EMCN: variants seen among roughly 807,000 people sequenced by gnomAD.
EMCN encodes MUC-14.
In EMCN, 37 loss-of-function variants were observed where a neutral mutation model predicts 38.4. The observed-to-expected ratio is 0.96, with a 90% CI of 0.74 to 1.27. The LOEUF (loss-of-function observed/expected upper bound fraction) is 1.27. EMCN is among the 50% of genes most tolerant of loss of function. The pLI is 0.00. For missense variants in EMCN, 318 were observed against 302.8 expected (o/e 1.05, Z -0.37); for synonymous variants, 95 against 100.8 (o/e 0.94, Z 0.35).
chr4:100,435,438 T>C (rs139779097), intron 5 of EMCN, among the ~76,000 whole-genome samples: 2,623 of 152,214 alleles, frequency 0.017, 36 homozygotes, highest in Non-Finnish European at 0.025. Flanking sequence ...ATTGTGAAAA[T>C]GGCCATACTG....
chr4:100,462,677 G>A (rs1344115410), intron 4 of EMCN, among the ~76,000 whole-genome samples: 1 of 151,960 alleles, frequency 6.6e-6, no homozygotes, highest in Non-Finnish European at 1.5e-5. Context: ...TTACAAAATA[G>A]GTTCTACTTA....
At chr4:100,411,510 A>G (rs1726552241) in intron 10 of EMCN, among the ~76,000 whole-genome samples, 1 of 152,172 alleles carries the variant, frequency 6.6e-6, no homozygotes. Context: ...TTTGAGAAAA[A>G]TTTAATAACA....
intron 1 of EMCN, among the ~76,000 whole-genome samples, chr4:100,494,016 G>A (rs1729149780): frequency 6.6e-6 from 1 of 152,130 alleles, no homozygotes; most frequent in Non-Finnish European, 1.5e-5. Context: ...CTAAGTGCTG[G>A]GACAAAAACA....
chr4:100,509,089 C>T (rs771527529), intron 1 of EMCN, among the ~76,000 whole-genome samples: 10 of 152,132 alleles, frequency 6.6e-5, no homozygotes, highest in Non-Finnish European at 1.3e-4. Context: ...GGGCTAGCTA[C>T]GAAATATCAC....
At chr4:100,432,828 TTAAA>T (rs766261385) in intron 5 of EMCN, among the ~76,000 whole-genome samples, 5 of 151,816 alleles carry the variant, frequency 3.3e-5, no homozygotes, top group East Asian at 1.9e-4. Context: ...ATTTTAAAAC[TTAAA>T]TAAATTTTTA....
intron 1 of EMCN, among the ~76,000 whole-genome samples, chr4:100,505,116 A>T (rs1729447711): frequency 6.6e-6 from 1 of 152,072 alleles, no homozygotes; most frequent in African/African-American, 2.4e-5. Context: ...ACATGACCTT[A>T]CCTATCATTG....
chr4:100,411,945 C>T (rs923156574), intron 10 of EMCN, among the ~76,000 whole-genome samples: 9 of 151,858 alleles, frequency 5.9e-5, no homozygotes, highest in Non-Finnish European at 1.3e-4. Flanking sequence ...CATTTTTACT[C>T]TGTGGTTTTT....
intron 5 of EMCN, among the ~76,000 whole-genome samples, chr4:100,446,464 A>G (rs1727675689): frequency 6.6e-6 from 1 of 152,142 alleles, no homozygotes; most frequent in South Asian, 2.1e-4. Context: ...TACTTAGAAT[A>G]TTTGCTGTGA....
At chr4:100,480,077 T>A in intron 1 of EMCN, 38 bp from the exon 2 acceptor site, 1 of 1,581,688 alleles carries the variant, frequency 6.3e-7, no homozygotes, top group Non-Finnish European at 8.6e-7. Context: ...CATTTACATA[T>A]AGTTTGCCAA....
In EMCN at chr4:100,434,184, G is replaced by A. The variant is rs547499489; in HGVS notation, c.416-10780C>T. Among the ~76,000 whole-genome samples the A allele has an allele frequency of 2.6e-5, 4 of 151,896 alleles. No homozygotes were observed. The South Asian group carries it at 6.2e-4, about 24-fold the overall frequency. ...ATAGACAAAATCAGAAATGATAAGG[G>A]GGATATCACCACTGACCCCACAGAA... On this transcript the variant is annotated intron_variant, in intron 5 of 11. Coordinates refer to ENST00000296420, the MANE Select transcript of EMCN (RefSeq NM_016242.4).
intron 3 of EMCN, among the ~76,000 whole-genome samples, chr4:100,473,385 T>G (rs1728546322): frequency 8.8e-6 from 1 of 114,060 alleles, no homozygotes; most frequent in Non-Finnish European, 1.8e-5. Flanking sequence ...TTTTTTTTTT[T>G]GTTTTTTTTT....
At position 100,517,962 on chromosome 4, in the gene EMCN, G is replaced by A. The variant is rs1469968117; in HGVS notation, c.-48C>T. The A allele has an allele frequency of 2.5e-6, 4 of 1,591,806 alleles. No individual in the cohort carries two copies. The highest frequency in any genetic ancestry group is 3.4e-6 in the Non-Finnish European group (4 of 1,160,240). ...ATCTTCTTTCTCCAGAAGCAGGCAG[G>A]GACAATTCCCTCCCAGCCTGGCAGG... On this transcript the variant is annotated 5_prime_UTR_variant, in exon 1 of 12. Transcript: ENST00000296420.
chr4:100,507,733 A>G (rs1029740312), intron 1 of EMCN, among the ~76,000 whole-genome samples: 9 of 151,922 alleles, frequency 5.9e-5, no homozygotes, highest in African/African-American at 2.2e-4. Flanking sequence ...ATCTCTTTTA[A>G]CCTCATTTTT....
intron 11 of EMCN, among the ~76,000 whole-genome samples, chr4:100,408,421 T>C (rs1726455819): frequency 6.6e-6 from 1 of 152,218 alleles, no homozygotes; most frequent in Non-Finnish European, 1.5e-5. Context: ...TTCAGAGGGC[T>C]GAGGCTTTGT....
intron 1 of EMCN, among the ~76,000 whole-genome samples, chr4:100,502,178 A>G (rs1171945708): frequency 6.6e-6 from 1 of 152,184 alleles, no homozygotes; most frequent in African/African-American, 2.4e-5. Context: ...TAACATTTAC[A>G]TAGCTCACGA....
intron 1 of EMCN, among the ~76,000 whole-genome samples, chr4:100,490,993 C>T (rs1240388529): frequency 6.6e-6 from 1 of 152,128 alleles, no homozygotes; most frequent in Admixed American, 6.5e-5. Context: ...AGTTCTCTTA[C>T]CCATTTCCAG....
intron 3 of EMCN, among the ~76,000 whole-genome samples, chr4:100,470,553 G>A (rs893112858): frequency 6.6e-6 from 1 of 151,946 alleles, no homozygotes; most frequent in African/African-American, 2.4e-5. Context: ...ATAACCAAAT[G>A]AATAGAAACC....
At chr4:100,493,700 C>G (rs542866621) in intron 1 of EMCN, among the ~76,000 whole-genome samples, 12 of 152,230 alleles carry the variant, frequency 7.9e-5, no homozygotes, top group South Asian at 6.2e-4. Context: ...TTATTTTACA[C>G]GGGGGTTGTT....
In EMCN at chr4:100,417,156, AGTT is replaced by A. The variant is rs777632439; in HGVS notation, c.665-18_665-16del. ...TTCTGGTGTGCCTAGGAGAAGAGGG[AGTT>A]GTTATTAGAGTTGCAAAGAAGTTGG... On this transcript the variant is annotated splice_polypyrimidine_tract_variant and intron_variant, in intron 8 of 11. Transcript: ENST00000296420. 272 of 1,613,448 alleles carry A rather than the reference AGTT, an allele frequency of 1.7e-4. No individual in the cohort carries two copies. The highest frequency in any genetic ancestry group is 2.2e-4 in the Non-Finnish European group (261 of 1,179,626).
Sources: allele counts gnomAD v4.1 joint callset (sites outside exome capture counted in the v4.1 genomes callset), GRCh38; gene constraint gnomAD v4.1.1; transcripts MANE v1.5; gene names NCBI Gene and HGNC (gene_info 2026-07-23, HGNC 2026-07-21).